ARHGEF4: variants seen among roughly 807,000 people sequenced by gnomAD.
ARHGEF4 encodes Rho guanine nucleotide exchange factor 4, also known as APC-stimulated guanine nucleotide exchange factor 1.
Under a neutral mutation model 162.0 loss-of-function variants are expected in ARHGEF4, and 119 were observed. The ratio of observed to expected loss-of-function variants is 0.73; its 90% confidence interval spans 0.63 to 0.86. The LOEUF (loss-of-function observed/expected upper bound fraction) is 0.86, where lower values mean the gene tolerates loss of function less well. Ranked by LOEUF, ARHGEF4 falls within the 40% of genes least tolerant of loss-of-function variation. The probability of loss-of-function intolerance (pLI) is 0.00; values close to 1 mark genes in which losing one functional copy is unlikely to be tolerated. For synonymous variants in ARHGEF4, 1,014 were observed against 979.9 expected (o/e 1.03, Z -0.65); for missense variants, 2,488 against 2,456.0 (o/e 1.01, Z -0.28).
chr2:130,851,400 C>G (rs1015980240), intron 1 of ARHGEF4, among the ~76,000 whole-genome samples: 2 of 152,254 alleles, frequency 1.3e-5, no homozygotes, highest in African/African-American at 4.8e-5. Context: ...GAAGGAAGCT[C>G]ACATCTTCCC....
intron 1 of ARHGEF4, among the ~76,000 whole-genome samples, chr2:130,846,059 G>T (rs1680938714): frequency 6.6e-6 from 1 of 152,192 alleles, no homozygotes. Context: ...CCTCGATCAA[G>T]CCAGGCCCAC....
chr2:130,870,880 G>A (rs536651313), intron 1 of ARHGEF4, among the ~76,000 whole-genome samples: 2 of 152,134 alleles, frequency 1.3e-5, no homozygotes, highest in African/African-American at 2.4e-5. Flanking sequence ...GCAGGGTAGG[G>A]TGGGGCAGGT....
chr2:131,042,111 A>G (rs1690862198), intron 10 of ARHGEF4, among the ~76,000 whole-genome samples, 167 bp downstream of exon 10: 1 of 152,182 alleles, frequency 6.6e-6, no homozygotes, highest in Non-Finnish European at 1.5e-5. Context: ...TGGGCTCTGG[A>G]CCTTTGCTGC....
chr2:130,918,975 G>A (rs1681703553), intron 2 of ARHGEF4, among the ~76,000 whole-genome samples: 1 of 152,210 alleles, frequency 6.6e-6, no homozygotes, highest in Admixed American at 6.5e-5. Context: ...CTATACTAAG[G>A]TGTCTCATCT....
At chr2:130,900,048 G>A (rs530249570) in intron 1 of ARHGEF4, among the ~76,000 whole-genome samples, 1 of 151,950 alleles carries the variant, frequency 6.6e-6, no homozygotes, top group South Asian at 2.1e-4. Flanking sequence ...TTTTTCTGTT[G>A]TTGATTTCCT....
In ARHGEF4 at chr2:130,917,178, C is replaced by T. The variant is rs775435889; in HGVS notation, c.3232C>T (p.Leu1078=). 1 of 1,550,576 alleles carries T rather than the reference C, an allele frequency of 6.4e-7. No homozygotes were observed. The highest frequency in any genetic ancestry group is 8.7e-7 in the Non-Finnish European group (1 of 1,147,002). Residue 1078 remains leucine, a synonymous_variant, in exon 2 of 14, where the codon CTG becomes TTG. Coordinates refer to ENST00000409359, the MANE Select transcript of ARHGEF4 (RefSeq NM_001367493.1). ...HTLPSSSACC[L]AYENPGTPCR... is the part of the protein sequence containing the mutation. The stretch of plus-strand genomic sequence containing the variant: ...CCTGCCTTCCAGCTCTGCCTGCTGC[C>T]TGGCATATGAAAACCCCGGGACGCC...
chr2:130,840,516 G>A (rs968257844), intron 1 of ARHGEF4, among the ~76,000 whole-genome samples: 3 of 152,178 alleles, frequency 2.0e-5, no homozygotes, highest in African/African-American at 7.2e-5. Flanking sequence ...AGGGGAGGGA[G>A]TTGTAGATCC....
At chr2:130,839,467 T>C (rs535055732) in intron 1 of ARHGEF4, among the ~76,000 whole-genome samples, 2 of 152,300 alleles carry the variant, frequency 1.3e-5, no homozygotes, top group Admixed American at 6.5e-5. Context: ...AGGCCCCAGG[T>C]GTGCCTTCTG....
At chr2:130,843,521 G>A (rs966495659) in intron 1 of ARHGEF4, among the ~76,000 whole-genome samples, 20 of 152,082 alleles carry the variant, frequency 1.3e-4, no homozygotes, top group East Asian at 9.7e-4. Flanking sequence ...CCTTGGCTGC[G>A]TTGCTGCTCA....
intron 1 of ARHGEF4, among the ~76,000 whole-genome samples, chr2:130,851,672 A>G (rs764577732): frequency 2.6e-5 from 4 of 152,178 alleles, no homozygotes; most frequent in African/African-American, 4.8e-5. Flanking sequence ...GGGTAATGAC[A>G]TGGCTCTTGG....
intron 1 of ARHGEF4, among the ~76,000 whole-genome samples, chr2:130,874,637 T>G (rs996999596): frequency 6.6e-6 from 1 of 152,216 alleles, no homozygotes; most frequent in African/African-American, 2.4e-5. Flanking sequence ...AGATCTATCA[T>G]GTACCCTTTA....
At chr2:130,958,847 C>CACA (rs1684454265) in intron 4 of ARHGEF4, among the ~76,000 whole-genome samples, 1 of 152,074 alleles carries the variant, frequency 6.6e-6, no homozygotes, top group Non-Finnish European at 1.5e-5. Context: ...CTGCAAAAGT[C>CACA]AATCTCATTT....
chr2:130,915,971 T>C lies in ARHGEF4; in HGVS notation c.2025T>C (p.Cys675=). The C allele has an allele frequency of 6.4e-7, 1 of 1,550,500 alleles. No homozygotes were observed. The highest frequency in any genetic ancestry group is 1.2e-5 in the South Asian group (1 of 84,040). ...ESPLSTGETP[C]ESPTRGKTPA... The stretch of plus-strand genomic sequence containing the variant: ...CCTTGAGCACTGGCGAGACCCCCTG[T>C]GAGTCTCCCACTAGGGGGAAAACAC... The change falls in exon 2 of 14, where the codon TGT becomes TGC. Residue 675 remains cysteine, a synonymous_variant. Coordinates refer to ENST00000409359, the MANE Select transcript of ARHGEF4 (RefSeq NM_001367493.1).
At chr2:130,926,810 A>ATTTTTTTTTTT (rs55904944) in intron 2 of ARHGEF4, among the ~76,000 whole-genome samples, 740 of 48,936 alleles carry the variant, frequency 0.015, 291 homozygotes, top group Non-Finnish European at 0.02. Flanking sequence ...CTTCTGGCTG[A>ATTTTTTTTTTT]TTTTTTTTTT....
chr2:130,902,742 T>C (rs750925286), intron 1 of ARHGEF4, among the ~76,000 whole-genome samples: 3 of 152,202 alleles, frequency 2.0e-5, no homozygotes, highest in Non-Finnish European at 4.4e-5. Flanking sequence ...CGTGAGTGCA[T>C]GCAGAGGCCT....
At position 130,916,481 on chromosome 2, in the gene ARHGEF4, A is replaced by C. The variant is rs1681506560; in HGVS notation, c.2535A>C (p.Ala845=). 6.5e-7 allele frequency: 1 copy of C among 1,545,838 alleles called. No homozygotes were observed. Among genetic ancestry groups the C allele is most frequent in the Non-Finnish European group, 8.7e-7 (1 of 1,146,422 alleles). Residue 845 remains alanine (A), a synonymous_variant, in exon 2 of 14, where the codon GCA becomes GCC. Transcript: ENST00000409359. The stretch of plus-strand genomic sequence containing the variant: ...CGCCCGCTGCGGCCGGTCGGGACGC[A>C]CCGCCTCTGCACCACGGGGACGCCA... The part of the protein sequence containing the change: ...ENPPAAAGRD[A]PPLHHGDASA...
rs1027988631 is a variant in ARHGEF4 at position 130,914,878 on chromosome 2, G to A, written c.932G>A (p.Ser311Asn). The A allele has an allele frequency of 6.7e-7, 1 of 1,492,082 alleles. No individual in the cohort carries two copies. The highest frequency in any genetic ancestry group is 2.3e-5 in the Admixed American group (1 of 44,058). The allele number at this position is 1,492,082 out of a possible 1,614,324, so 92.4% of individuals were successfully genotyped here. The change falls in exon 2 of 14, where the codon AGT (serine) becomes AAT (asparagine). Residue 311 changes from serine to asparagine, a missense_variant. Physicochemically the swap from Ser to Asn is conservative, Grantham distance 46. Coordinates refer to ENST00000409359, the MANE Select transcript of ARHGEF4 (RefSeq NM_001367493.1). ...CTCCTACGCACCAACCGTCACCATAGTGCCCCAGAAACTACTGGTGACAAG... is the reference window on the plus strand; with the variant it reads ...CTCCTACGCACCAACCGTCACCATAATGCCCCAGAAACTACTGGTGACAAG... ...SCLLRTNRHHSAPETTGDKNR... is the reference protein window; with the variant it reads ...SCLLRTNRHHNAPETTGDKNR...
chr2:131,028,372 A>G (rs1457192165), intron 5 of ARHGEF4, among the ~76,000 whole-genome samples: 6 of 152,114 alleles, frequency 3.9e-5, no homozygotes, highest in African/African-American at 1.2e-4. Context: ...AGCTGTCAAG[A>G]GCCATCCCAG....
chr2:130,962,898 C>T (rs980501188), intron 4 of ARHGEF4, among the ~76,000 whole-genome samples: 5 of 152,118 alleles, frequency 3.3e-5, no homozygotes, highest in African/African-American at 1.2e-4. Flanking sequence ...AAAGGGAGAC[C>T]AAGTCTCCCA....
Sources: gnomAD v4.1 joint callset for allele counts (sites outside exome capture counted in the v4.1 genomes callset) on GRCh38, gnomAD v4.1.1 for gene constraint, MANE v1.5 for transcripts, NCBI Gene and HGNC (gene_info 2026-07-23, HGNC 2026-07-21) for gene names.